The following LINGO2 variants were observed in gnomAD, a reference collection of about 807,000 sequenced individuals.
LINGO2 encodes the protein leucine-rich repeat and immunoglobulin-like domain-containing nogo receptor-interacting protein 2.
A neutral mutation model predicts 30.6 loss-of-function variants in LINGO2; 14 were observed. The observed-to-expected ratio is 0.46, with a 90% CI of 0.30 to 0.72. The LOEUF (loss-of-function observed/expected upper bound fraction) is 0.72. Ranked by LOEUF, LINGO2 falls within the 30% of genes least tolerant of loss-of-function variation. LINGO2 has a pLI of 0.07. For synonymous variants in LINGO2, 317 were observed against 288.5 expected (o/e 1.10, Z -1.00); for missense variants, 729 against 751.7 (o/e 0.97, Z 0.35).
At chr9:29,091,935 A>G in the LINGO2 span, among the ~76,000 whole-genome samples, 1 of 152,176 alleles carries the variant, frequency 6.6e-6, no homozygotes, top group South Asian at 2.1e-4. Context: ...AAACTATAAG[A>G]AAGTACTAAA....
At chr9:28,553,359 C>T (rs1822421394) in intron 1 of LINGO2, among the ~76,000 whole-genome samples, 1 of 151,922 alleles carries the variant, frequency 6.6e-6, no homozygotes, top group Non-Finnish European at 1.5e-5. Context: ...ATGCAGAAGC[C>T]TCAGGAGCCG....
At chr9:28,280,039 T>G (rs750089138) in intron 4 of LINGO2, among the ~76,000 whole-genome samples, 4 of 152,164 alleles carry the variant, frequency 2.6e-5, no homozygotes, top group Non-Finnish European at 4.4e-5. Flanking sequence ...CACAGTGTTA[T>G]AAGATGGCAG....
At chr9:28,214,403 C>G (rs1369470945) in intron 4 of LINGO2, among the ~76,000 whole-genome samples, 1 of 151,536 alleles carries the variant, frequency 6.6e-6, no homozygotes, top group East Asian at 1.9e-4. Context: ...TGAAAATACA[C>G]TAAAGGATTC....
chr9:28,091,600 G>A (rs1042349429), intron 4 of LINGO2, among the ~76,000 whole-genome samples: 1 of 152,098 alleles, frequency 6.6e-6, no homozygotes, highest in Non-Finnish European at 1.5e-5. Context: ...AAAATCCCTA[G>A]AAGAAAACCT....
chr9:28,973,446 G>A, the LINGO2 span, among the ~76,000 whole-genome samples: 1 of 152,130 alleles, frequency 6.6e-6, no homozygotes, highest in African/African-American at 2.4e-5. Flanking sequence ...GTCAAAGACA[G>A]GGCCAGGTGG....
At chr9:29,016,779 GT>G in the LINGO2 span, among the ~76,000 whole-genome samples, 2 of 152,136 alleles carry the variant, frequency 1.3e-5, no homozygotes, top group Non-Finnish European at 2.9e-5. Flanking sequence ...AATGCTTCTT[GT>G]TCAAAAGGAG....
At chr9:28,404,075 A>T (rs1161921500) in intron 2 of LINGO2, among the ~76,000 whole-genome samples, 3 of 152,140 alleles carry the variant, frequency 2.0e-5, no homozygotes, top group Non-Finnish European at 4.4e-5. Flanking sequence ...ACCAAGTAGA[A>T]GTTGGTAACA....
intron 4 of LINGO2, among the ~76,000 whole-genome samples, chr9:28,109,623 C>T (rs1363496333): frequency 6.6e-6 from 1 of 152,092 alleles, no homozygotes; most frequent in Non-Finnish European, 1.5e-5. Flanking sequence ...AGAGCCAAAT[C>T]AGGAATGAAC....
intron 1 of LINGO2, among the ~76,000 whole-genome samples, chr9:28,595,788 G>T (rs2135724080): frequency 6.6e-6 from 1 of 152,202 alleles, no homozygotes. Context: ...AAACCCTAGA[G>T]TTGTATTGTC....
chr9:28,984,926 C>T, the LINGO2 span, among the ~76,000 whole-genome samples: 43 of 152,166 alleles, frequency 2.8e-4, no homozygotes, highest in Middle Eastern at 6.8e-3. Flanking sequence ...ATTACCATCA[C>T]TATATTCACC....
the LINGO2 span, among the ~76,000 whole-genome samples, chr9:29,100,542 C>T: frequency 2.1e-3 from 313 of 150,860 alleles, 2 homozygotes; most frequent in Admixed American, 1.5e-3. Flanking sequence ...TACAATGAAC[C>T]AAGATTGTGA....
At position 28,147,187 on chromosome 9, in the gene LINGO2, C is replaced by A. The variant is rs1390726041; in HGVS notation, c.-86-134782G>T. The stretch of plus-strand genomic sequence containing the variant: ...TACAGATATGCCATGGTGCTAAGTA[C>A]CCCAGGACTACAGGAAAAAATAAGA... On this transcript the variant is annotated intron_variant, in intron 4 of 5. Transcript: ENST00000379992. This position sits in a 1 kb window ranked among gnomAD's most constrained non-coding sequence, Gnocchi z 4.7. 6.6e-6 allele frequency among the ~76,000 whole-genome samples: 1 copy of A among 152,168 alleles called. No homozygotes were observed. The highest frequency in any genetic ancestry group is 1.5e-5 in the Non-Finnish European group (1 of 68,024).
intron 5 of LINGO2, among the ~76,000 whole-genome samples, chr9:27,999,328 A>G (rs1428834895): frequency 6.6e-6 from 1 of 152,154 alleles, no homozygotes; most frequent in Non-Finnish European, 1.5e-5. Flanking sequence ...CTCAGGTGGA[A>G]AAGAGAAAGA....
At chr9:28,848,743 A>G in the LINGO2 span, among the ~76,000 whole-genome samples, 1 of 151,764 alleles carries the variant, frequency 6.6e-6, no homozygotes, top group African/African-American at 2.4e-5. Context: ...GTGAAAAGAA[A>G]TGGGCATGTG....
At chr9:28,649,104 C>T (rs953145851) in intron 1 of LINGO2, among the ~76,000 whole-genome samples, 1 of 152,106 alleles carries the variant, frequency 6.6e-6, no homozygotes, top group Non-Finnish European at 1.5e-5. Flanking sequence ...TTATGGCGCT[C>T]ACCTTTTTCC....
the LINGO2 span, among the ~76,000 whole-genome samples, chr9:29,049,618 T>TA: frequency 9.9e-5 from 15 of 152,050 alleles, no homozygotes; most frequent in South Asian, 2.1e-4. Context: ...TATTCAGTCA[T>TA]AAAAAAAATG....
At chr9:28,469,419 C>T (rs1271216864) in intron 2 of LINGO2, among the ~76,000 whole-genome samples, 2 of 151,958 alleles carry the variant, frequency 1.3e-5, no homozygotes, top group Non-Finnish European at 2.9e-5. Context: ...GAAATAATGG[C>T]TGAAAACTTT....
At chr9:28,997,411 T>G in the LINGO2 span, among the ~76,000 whole-genome samples, 1 of 152,268 alleles carries the variant, frequency 6.6e-6, no homozygotes, top group Non-Finnish European at 1.5e-5. Flanking sequence ...TGATCTGTAC[T>G]TTGATGAATA....
intron 4 of LINGO2, among the ~76,000 whole-genome samples, chr9:28,169,774 T>A (rs1272977262): frequency 2.0e-5 from 3 of 152,184 alleles, no homozygotes. Flanking sequence ...GGGTAAAGAA[T>A]ATGCTGTTTT....
Sources: allele counts gnomAD v4.1 joint callset (sites outside exome capture counted in the v4.1 genomes callset), GRCh38; gene constraint gnomAD v4.1.1; non-coding constraint Gnocchi (gnomAD v3.1); transcripts MANE v1.5; gene names NCBI Gene and HGNC (gene_info 2026-07-23, HGNC 2026-07-21).